PSG6: variants seen among roughly 807,000 people sequenced by gnomAD.
PSG6 encodes the protein pregnancy-specific beta-1-glycoprotein 6.
Under a neutral mutation model 43.3 loss-of-function variants are expected in PSG6, and 51 were observed. The observed-to-expected ratio is 1.18, with a 90% CI of 0.94 to 1.49. The LOEUF (loss-of-function observed/expected upper bound fraction) is 1.49, where lower values mean the gene tolerates loss of function less well. Among genes scored for constraint, PSG6 ranks in the 40% most tolerant of loss-of-function variants. The probability of loss-of-function intolerance (pLI) is 0.00; values close to 1 mark genes in which losing one functional copy is unlikely to be tolerated. For synonymous variants in PSG6, 292 were observed against 197.6 expected, an observed-to-expected ratio of 1.48 and a Z score of -4.01; for missense variants, 770 against 522.2, an observed-to-expected ratio of 1.47 and a Z score of -4.62.
At chr19:42,912,043 T>C (rs946446304) in intron 2 of PSG6, among the ~76,000 whole-genome samples, 17 of 151,774 alleles carry the variant, frequency 1.1e-4, no homozygotes, top group Admixed American at 4.6e-4. Flanking sequence ...AAACAAAGTG[T>C]TTTGGATTTC....
At chr19:42,913,351 C>A (rs1463612403) in intron 2 of PSG6, among the ~76,000 whole-genome samples, 3 of 151,626 alleles carry the variant, frequency 2.0e-5, no homozygotes, top group Non-Finnish European at 2.9e-5. Context: ...GGGGTTTCAC[C>A]ATGTTAGCCA....
intron 5 of PSG6, among the ~76,000 whole-genome samples, chr19:42,904,258 A>T (rs1034445079): frequency 3.3e-5 from 5 of 151,866 alleles, no homozygotes; most frequent in African/African-American, 9.7e-5. Flanking sequence ...GATGCCTGCT[A>T]TTGACACTTT....
intron 1 of PSG6, 63 bp from the exon 2 acceptor site, chr19:42,916,550 C>G (rs1173591937): frequency 5.1e-6 from 8 of 1,553,728 alleles, no homozygotes; most frequent in Non-Finnish European, 7.0e-6. Flanking sequence ...AAAGATGGGG[C>G]CCTGTGTCCT....
rs190702942 is a variant in PSG6 at position 42,916,943 on chromosome 19, G to A, written c.65-456C>T. Among the ~76,000 whole-genome samples the A allele has an allele frequency of 3.0e-4, 45 of 151,474 alleles. 1 individual carries two copies. The highest frequency in any genetic ancestry group is 1.1e-3 in the African/African-American group (44 of 41,254). ...ACATTCTATATCTCTTTGCATGTCT[G>A]TCTTCCTCCCCATGAGAGTGTGAGC... On this transcript the variant is annotated intron_variant, in intron 1 of 5. Coordinates refer to ENST00000187910, the MANE Select transcript of PSG6 (RefSeq NM_001031850.4).
rs775680252 is a variant in PSG6 at position 42,916,299 on chromosome 19, G to GT, written c.252dup (p.His85ThrfsTer85). ...GCAGGCCCATATATAATTTGACCGTGTACTACATATGATGTAATGTAATGG... is the reference window on the plus strand; with the variant it reads ...GCAGGCCCATATATAATTTGACCGTGTTACTACATATGATGTAATGTAATGG... On this transcript the variant is annotated frameshift_variant, in exon 2 of 6. Coordinates refer to ENST00000187910, the MANE Select transcript of PSG6 (RefSeq NM_001031850.4). LOFTEE classifies it high-confidence loss of function. The GT allele has an allele frequency of 6.8e-6, 11 of 1,611,472 alleles. 1 individual carries two copies. The highest frequency in any genetic ancestry group is 1.6e-4 in the Middle Eastern group (1 of 6,074).
intron 2 of PSG6, among the ~76,000 whole-genome samples, chr19:42,911,992 A>G (rs1223102696): frequency 6.6e-6 from 1 of 151,636 alleles, no homozygotes; most frequent in Non-Finnish European, 1.5e-5. Context: ...CCTCGTGCCT[A>G]TACTTCATGC....
rs367671694 is a variant in PSG6, at chr19:42,916,465, G to A, written c.87C>T (p.Asn29=). 4.3e-6 allele frequency: 7 copies of A among 1,611,072 alleles called. No individual in the cohort carries two copies. The Admixed American group carries it at 6.7e-5, about 15-fold the overall frequency. The change falls in exon 2 of 6, where the codon AAC becomes AAT. Residue 29 remains asparagine (N), a synonymous_variant. Coordinates refer to ENST00000187910, the MANE Select transcript of PSG6 (RefSeq NM_001031850.4). ...LLTASLLNFW[N]LPTTAQVIIE... ...TTATTACTTGGGCAGTGGTGGGCAG[G>A]TTCCAGAAGTTTAAAAGTGATGCTA...
chr19:42,914,275 C>A (rs976797194), intron 2 of PSG6, among the ~76,000 whole-genome samples: 1 of 151,330 alleles, frequency 6.6e-6, no homozygotes, highest in African/African-American at 2.4e-5. Context: ...TTTCCTATTT[C>A]CTGGGAGGTG....
chr19:42,905,651 C>T (rs1284686789), intron 5 of PSG6, among the ~76,000 whole-genome samples: 2 of 151,478 alleles, frequency 1.3e-5, no homozygotes, highest in East Asian at 3.9e-4. Context: ...TCACACTAGC[C>T]AAAAATGGAA....
intron 2 of PSG6, among the ~76,000 whole-genome samples, chr19:42,912,831 T>G (rs1052289043): frequency 6.6e-6 from 1 of 151,600 alleles, no homozygotes; most frequent in African/African-American, 2.4e-5. Context: ...CATGAGGAAA[T>G]AGTTGTATGT....
At chr19:42,917,060 C>T (rs1444316011) in intron 1 of PSG6, among the ~76,000 whole-genome samples, 1 of 145,258 alleles carries the variant, frequency 6.9e-6, no homozygotes, top group Non-Finnish European at 1.5e-5. Context: ...TCTCAGGGCC[C>T]TCCATGCCCT....
chr19:42,902,233 G>C lies in PSG6; in HGVS notation c.*179C>G. 1 of 827,642 alleles carries C rather than the reference G, an allele frequency of 1.2e-6. No individual in the cohort carries two copies. 51.3% of individuals were successfully genotyped at this position (827,642 alleles called of 1,614,324 possible). A position where few individuals can be genotyped will look rare whatever the true frequency, so the allele number is the denominator to read the frequency against. On this transcript the variant is annotated 3_prime_UTR_variant, in exon 6 of 6. Transcript: ENST00000187910. Reference sequence around the variant, plus strand: ...CTTTACCAATTGCTGAAGAAAAAAAGTTCATAAATCTGGAGAATAAAACAT... The same window carrying C: ...CTTTACCAATTGCTGAAGAAAAAAACTTCATAAATCTGGAGAATAAAACAT...
intron 1 of PSG6, among the ~76,000 whole-genome samples, 180 bp from the exon 2 acceptor site, chr19:42,916,667 C>T (rs940620229): frequency 6.7e-5 from 10 of 149,480 alleles, no homozygotes. Context: ...TGTGTGTGTC[C>T]TACTGTCCTA....
At chr19:42,913,721 T>G (rs1486539808) in intron 2 of PSG6, among the ~76,000 whole-genome samples, 2 of 151,738 alleles carry the variant, frequency 1.3e-5, no homozygotes, top group Non-Finnish European at 2.9e-5. Context: ...GAAATGTTTC[T>G]CATTCTTTTG....
chr19:42,902,147 T>C lies in PSG6; in HGVS notation c.*265A>G, dbSNP rs1374496122. The C allele has an allele frequency of 2.5e-6, 1 of 406,036 alleles. No individual in the cohort carries two copies. Among genetic ancestry groups the C allele is most frequent in the Non-Finnish European group, 4.5e-6 (1 of 221,648 alleles). The allele number at this position is 406,036 out of a possible 1,614,324, so 25.2% of individuals were successfully genotyped here. On this transcript the variant is annotated 3_prime_UTR_variant, in exon 6 of 6. Coordinates refer to ENST00000187910, the MANE Select transcript of PSG6 (RefSeq NM_001031850.4). ...TGAATACTCATGAATAGTTTCCCAA[T>C]TCTGGGGCACTCAGATAGAGAGCAA...
At chr19:42,907,442 G>C (rs537686924) in intron 4 of PSG6, 134 bp downstream of exon 4, 1 of 1,519,248 alleles carries the variant, frequency 6.6e-7, no homozygotes, top group Admixed American at 2.1e-5. Context: ...CCCAGGGCAG[G>C]GAGTCATGGC....
chr19:42,916,148 C>T lies in PSG6; in HGVS notation c.404G>A (p.Gly135Glu). Residue 135 changes from glycine to glutamate, a missense_variant, in exon 2 of 6, where the codon GGA (glycine) becomes GAA (glutamate). Transcript: ENST00000187910. ...ACAGTATAAGGTGACAGTGAAATAT[C>T]CAGTTACTCCTCCAGTCCCATCGCC... ...KRGDGTGGVT[G>E]YFTVTLYSET... The T allele has an allele frequency of 2.5e-6, 4 of 1,611,722 alleles. 1 individual carries two copies. Among genetic ancestry groups the T allele is most frequent in the Non-Finnish European group, 3.4e-6 (4 of 1,178,876 alleles).
rs13175 is a variant in PSG6 at position 42,907,850 on chromosome 19, C to A, written c.711G>T (p.Lys237Asn). 4 of 1,610,902 alleles carry A rather than the reference C, an allele frequency of 2.5e-6. No individual in the cohort carries two copies. The Admixed American group carries it at 6.7e-5, about 27-fold the overall frequency. Residue 237 changes from lysine (K) to asparagine (N), a missense_variant, in exon 4 of 6, where the codon AAG becomes AAT. Lys to Asn is a moderately conservative substitution (Grantham distance 94). Coordinates refer to ENST00000187910, the MANE Select transcript of PSG6 (RefSeq NM_001031850.4). ...TGATGGTGATGTAAGGCATGGGCAG[C>A]TTCGCTGTGTGGATAACAGAAGATT... Reference protein sequence around the residue: ...SDPVTLNLLPKLPMPYITINN... With the variant: ...SDPVTLNLLPNLPMPYITINN...
intron 2 of PSG6, among the ~76,000 whole-genome samples, chr19:42,911,476 G>C (rs1239531819): frequency 6.6e-6 from 1 of 151,552 alleles, no homozygotes; most frequent in Admixed American, 6.6e-5. Flanking sequence ...TAGTGACTGA[G>C]TTGAGCCAAT....
Sources: gnomAD v4.1 joint callset for allele counts (sites outside exome capture counted in the v4.1 genomes callset) on GRCh38, gnomAD v4.1.1 for gene constraint, MANE v1.5 for transcripts, NCBI Gene and HGNC (gene_info 2026-07-23, HGNC 2026-07-21) for gene names.